Variants in GAS7 observed in about 807,000 individuals in gnomAD.
GAS7 encodes the protein growth arrest-specific protein 7.
Under a neutral mutation model 71.1 loss-of-function variants are expected in GAS7, and 28 were observed. That is an observed-to-expected ratio of 0.39 (90% confidence interval 0.29 to 0.54). The LOEUF (loss-of-function observed/expected upper bound fraction) is 0.54, where lower values mean the gene tolerates loss of function less well. GAS7 is among the 20% of genes least tolerant of loss of function. The pLI, the probability that GAS7 is intolerant of heterozygous loss-of-function variation, is 0.62. For missense variants in GAS7, 436 were observed against 627.8 expected, an observed-to-expected ratio of 0.69 and a Z score of 3.27; for synonymous variants, 258 against 245.8, an observed-to-expected ratio of 1.05 and a Z score of -0.46.
At chr17:10,138,831 G>A (rs914904281) in intron 1 of GAS7, among the ~76,000 whole-genome samples, 3 of 151,934 alleles carry the variant, frequency 2.0e-5, no homozygotes, top group African/African-American at 7.3e-5. Flanking sequence ...AGGTTTCCAG[G>A]TACTCTGTCC....
intron 5 of GAS7, among the ~76,000 whole-genome samples, chr17:9,951,775 A>AC (rs1166173375): frequency 6.6e-6 from 1 of 151,050 alleles, no homozygotes; most frequent in African/African-American, 2.4e-5. Flanking sequence ...AAAAAAAAAA[A>AC]AAAAAAAAAA....
chr17:10,086,470 C>T (rs899732089), intron 1 of GAS7, among the ~76,000 whole-genome samples: 29 of 152,128 alleles, frequency 1.9e-4, no homozygotes, highest in Admixed American at 1.6e-3. Flanking sequence ...TCTCTGTTAC[C>T]GAACCATTGT....
chr17:10,170,941 G>T (rs2074331443), intron 1 of GAS7, among the ~76,000 whole-genome samples: 1 of 152,158 alleles, frequency 6.6e-6, no homozygotes, highest in Non-Finnish European at 1.5e-5. Flanking sequence ...AGGCCAGCTG[G>T]CACTTTCTGT....
At chr17:10,178,948 G>A (rs1567622298) in intron 1 of GAS7, among the ~76,000 whole-genome samples, 1 of 151,852 alleles carries the variant, frequency 6.6e-6, no homozygotes, top group Non-Finnish European at 1.5e-5. Context: ...GGACAGACAG[G>A]TGCTGGGGCA....
chr17:10,098,424 C>T (rs915254703), intron 1 of GAS7, among the ~76,000 whole-genome samples: 1 of 152,216 alleles, frequency 6.6e-6, no homozygotes, highest in Non-Finnish European at 1.5e-5. Context: ...CCATCCACCA[C>T]AAAATGAACC....
At chr17:10,014,930 T>C (rs2071931487) in intron 2 of GAS7, among the ~76,000 whole-genome samples, 1 of 150,468 alleles carries the variant, frequency 6.6e-6, no homozygotes, top group Non-Finnish European at 1.5e-5. Flanking sequence ...TGAGGAGGGG[T>C]GGATCATGAG....
At chr17:10,072,614 C>T (rs2073352117) in intron 1 of GAS7, among the ~76,000 whole-genome samples, 1 of 152,218 alleles carries the variant, frequency 6.6e-6, no homozygotes, top group African/African-American at 2.4e-5. Flanking sequence ...CCTAGAGCCA[C>T]ACCATCGCCT....
At chr17:9,963,183 G>A (rs538849542) in intron 4 of GAS7, among the ~76,000 whole-genome samples, 1 of 152,242 alleles carries the variant, frequency 6.6e-6, no homozygotes, top group South Asian at 2.1e-4. Flanking sequence ...ATGCCGCGAT[G>A]TGAATGAACC....
intron 1 of GAS7, among the ~76,000 whole-genome samples, chr17:10,028,778 G>A (rs1253280433): frequency 2.6e-5 from 4 of 152,094 alleles, no homozygotes; most frequent in Non-Finnish European, 5.9e-5. Flanking sequence ...AATGCACATT[G>A]GTTGCAATAA....
intron 1 of GAS7, among the ~76,000 whole-genome samples, chr17:10,023,866 G>A (rs1477160313): frequency 6.6e-6 from 1 of 152,198 alleles, no homozygotes; most frequent in African/African-American, 2.4e-5. Context: ...GCTCACACCT[G>A]TAATCCCAGC....
chr17:10,175,431 G>A (rs2074367022), intron 1 of GAS7, among the ~76,000 whole-genome samples: 1 of 152,058 alleles, frequency 6.6e-6, no homozygotes, highest in Non-Finnish European at 1.5e-5. Context: ...GGGAATCCAA[G>A]CTCAAGGTTG....
chr17:9,940,103 C>T (rs781608150), intron 8 of GAS7, 23 bp downstream of exon 8: 4 of 1,351,652 alleles, frequency 3.0e-6, no homozygotes, highest in Non-Finnish European at 3.2e-6. Context: ...CTCCCCACTC[C>T]CACCTCTCTC....
intron 2 of GAS7, among the ~76,000 whole-genome samples, chr17:9,991,672 C>T (rs981501074): frequency 6.7e-6 from 1 of 149,058 alleles, no homozygotes; most frequent in Non-Finnish European, 1.5e-5. Flanking sequence ...GATCTACCAG[C>T]CTCCTTACAG....
chr17:10,016,292 G>A (rs995785650), intron 2 of GAS7, among the ~76,000 whole-genome samples: 33 of 151,444 alleles, frequency 2.2e-4, no homozygotes, highest in African/African-American at 8.0e-4. Flanking sequence ...GGCTGAGGCA[G>A]GAGAATGGCA....
chr17:10,023,142 G>A (rs758178858), intron 1 of GAS7, among the ~76,000 whole-genome samples: 3 of 152,256 alleles, frequency 2.0e-5, no homozygotes, highest in Non-Finnish European at 4.4e-5. Context: ...GAGGTGGGGA[G>A]GAGGGCACTG....
intron 2 of GAS7, among the ~76,000 whole-genome samples, chr17:9,997,580 T>C (rs749826386): frequency 6.6e-6 from 1 of 151,956 alleles, no homozygotes; most frequent in Non-Finnish European, 1.5e-5. Context: ...ACAAGCAGAG[T>C]GTCCTACAAC....
At chr17:10,101,297 C>A (rs2073696085) in intron 1 of GAS7, among the ~76,000 whole-genome samples, 1 of 152,224 alleles carries the variant, frequency 6.6e-6, no homozygotes, top group Non-Finnish European at 1.5e-5. Flanking sequence ...CATGTTGAGG[C>A]TGTTGAGGCA....
At chr17:10,102,093 T>C (rs1044601368) in intron 1 of GAS7, among the ~76,000 whole-genome samples, 1 of 151,044 alleles carries the variant, frequency 6.6e-6, no homozygotes, top group Non-Finnish European at 1.5e-5. Context: ...GGTATTATAT[T>C]AATACATTTT....
At chr17:10,171,243 A>C (rs1261792706) in intron 1 of GAS7, among the ~76,000 whole-genome samples, 1 of 152,090 alleles carries the variant, frequency 6.6e-6, no homozygotes, top group Non-Finnish European at 1.5e-5. Context: ...GCTTTCCCCA[A>C]GCTCGCTTAC....
Sources: allele counts gnomAD v4.1 joint callset (sites outside exome capture counted in the v4.1 genomes callset), GRCh38; gene constraint gnomAD v4.1.1; transcripts MANE v1.5; gene names NCBI Gene and HGNC (gene_info 2026-07-23, HGNC 2026-07-21).